SNX29: variants seen among roughly 807,000 people sequenced by gnomAD.
SNX29 encodes the protein sorting nexin 29.
In SNX29, 78 loss-of-function variants were observed where a neutral mutation model predicts 102.1. The observed-to-expected ratio is 0.76, with a 90% CI of 0.64 to 0.92. The LOEUF (loss-of-function observed/expected upper bound fraction) is 0.92, where lower values mean the gene tolerates loss of function less well. Among genes scored for constraint, SNX29 ranks in the 40% least tolerant of loss-of-function variants. The pLI, the probability that SNX29 is intolerant of heterozygous loss-of-function variation, is 0.00. For missense variants in SNX29, 1,280 were observed against 1,061.7 expected (o/e 1.21, Z -2.86); for synonymous variants, 580 against 414.5 (o/e 1.40, Z -4.85).
chr16:12,039,819 C>G (rs551800992), intron 4 of SNX29, among the ~76,000 whole-genome samples: 1 of 152,318 alleles, frequency 6.6e-6, no homozygotes, highest in Admixed American at 6.5e-5. Flanking sequence ...TGTTTACTAA[C>G]TGTGTTGCTG....
chr16:11,999,480 G>A, intron 2 of SNX29, 122 bp downstream of exon 2: 1 of 935,836 alleles, frequency 1.1e-6, no homozygotes, highest in African/African-American at 1.7e-5. Context: ...GAACAGTGAA[G>A]TGATCTACTC....
At chr16:12,116,854 C>A (rs974794309) in intron 11 of SNX29, among the ~76,000 whole-genome samples, 4 of 152,124 alleles carry the variant, frequency 2.6e-5, no homozygotes, top group African/African-American at 9.7e-5. Context: ...GAGGACGAAC[C>A]ATGGAAACAG....
chr16:12,137,976 G>A (rs755019844), intron 13 of SNX29, among the ~76,000 whole-genome samples: 14 of 152,170 alleles, frequency 9.2e-5, no homozygotes, highest in Non-Finnish European at 2.1e-4. Context: ...CGCTGCCTGG[G>A]ATTCTGGCTG....
intron 15 of SNX29, among the ~76,000 whole-genome samples, chr16:12,290,009 G>A (rs1010556118): frequency 3.3e-5 from 5 of 152,138 alleles, no homozygotes; most frequent in Non-Finnish European, 4.4e-5. Flanking sequence ...GGGATACAGC[G>A]GGAGTGGAGA....
rs1484638873 is a variant in SNX29 at position 12,556,857 on chromosome 16, A to AG, written c.2319-11649_2319-11648insG. On this transcript the variant is annotated intron_variant, in intron 20 of 20. Coordinates refer to ENST00000566228, the MANE Select transcript of SNX29 (RefSeq NM_032167.5). The stretch of plus-strand genomic sequence containing the variant: ...AGAAGTTTGATGGTGGAAAAAATTG[A>AG]ATTTTTTTTTTTTGAGATAGGGTCT... 4.5e-3 allele frequency among the ~76,000 whole-genome samples: 686 copies of AG among 150,828 alleles called. 3 individuals carry two copies. The highest frequency in any genetic ancestry group is 0.012 in the Admixed American group (183 of 15,148).
chr16:12,569,190 G>A lies in SNX29; in HGVS notation c.*561G>A. ...TTCCACCAACAGTCATTAGACACCT[G>A]GCACTGTCACAGCTCACTTTTCCAG... On this transcript the variant is annotated 3_prime_UTR_variant, in exon 21 of 21. Transcript: ENST00000566228. The A allele has an allele frequency of 4.6e-6, 1 of 217,132 alleles. No homozygotes were observed. The highest frequency in any genetic ancestry group is 9.1e-6 in the Non-Finnish European group (1 of 109,494). 13.5% of individuals were successfully genotyped at this position (217,132 alleles called of 1,614,324 possible).
Position 12,449,291 on chromosome 16 carries a change from C to G in SNX29, c.2038-28428C>G, listed in dbSNP as rs182465956. Reference sequence around the variant, plus strand: ...CAGGGTGAAGATGCTGGAGGCAAGCCCTCCAAGATAAGTAGAACTTAGCCA... The same window carrying G: ...CAGGGTGAAGATGCTGGAGGCAAGCGCTCCAAGATAAGTAGAACTTAGCCA... On this transcript the variant is annotated intron_variant, in intron 18 of 20. Coordinates refer to ENST00000566228, the MANE Select transcript of SNX29 (RefSeq NM_032167.5). 2.0e-5 allele frequency among the ~76,000 whole-genome samples: 3 copies of G among 151,734 alleles called. No individual in the cohort carries two copies. In the East Asian group the frequency reaches 5.9e-4, roughly 30 times the overall value.
In SNX29 at chr16:12,069,913, C is replaced by T. The variant is rs953134756; in HGVS notation, c.1319+781C>T. Among the ~76,000 whole-genome samples, 7 of 150,524 alleles carry T rather than the reference C, an allele frequency of 4.7e-5. No individual in the cohort carries two copies. In the South Asian group the frequency reaches 6.4e-4, roughly 14 times the overall value. ...CACCGTGGTCTCGATCTCCTGACCT[C>T]GTGATCCGCCCGCCTCGGCCTCCCA... is the stretch of plus-strand genomic sequence containing the variant. On this transcript the variant is annotated intron_variant, in intron 10 of 20. Transcript: ENST00000566228.
chr16:12,377,894 A>G (rs989069263), intron 16 of SNX29, among the ~76,000 whole-genome samples: 1 of 152,120 alleles, frequency 6.6e-6, no homozygotes, highest in African/African-American at 2.4e-5. Flanking sequence ...ACAGGGATTG[A>G]GGGTTTTCCT....
At chr16:12,364,628 C>T (rs979372003) in intron 16 of SNX29, among the ~76,000 whole-genome samples, 4 of 152,072 alleles carry the variant, frequency 2.6e-5, no homozygotes, top group African/African-American at 7.2e-5. Context: ...AGACACAGCG[C>T]GGTGAAAGCT....
At chr16:12,288,447 G>A (rs1306203115) in intron 15 of SNX29, among the ~76,000 whole-genome samples, 1 of 152,044 alleles carries the variant, frequency 6.6e-6, no homozygotes, top group African/African-American at 2.4e-5. Flanking sequence ...CTCTGTTTGC[G>A]GGGTCACCCT....
chr16:12,334,100 T>C (rs2081374318), intron 15 of SNX29, among the ~76,000 whole-genome samples: 1 of 152,132 alleles, frequency 6.6e-6, no homozygotes, highest in South Asian at 2.1e-4. Context: ...AGGGAAACAC[T>C]TCAAAGACAC....
At chr16:12,423,243 C>T (rs775366123) in intron 18 of SNX29, among the ~76,000 whole-genome samples, 2 of 151,936 alleles carry the variant, frequency 1.3e-5, no homozygotes, top group South Asian at 2.1e-4. Flanking sequence ...ATTCCCATGC[C>T]GCAGGCCCTG....
intron 16 of SNX29, chr16:12,374,290 GC>G (rs3214484): frequency 0.59 from 89,074 of 152,106 alleles, 29,852 homozygotes; most frequent in Middle Eastern, 0.77. Flanking sequence ...ACAGTCTGCA[GC>G]CTGGTGGAGG....
chr16:12,067,798 C>G (rs1211583555), intron 9 of SNX29, among the ~76,000 whole-genome samples: 3 of 152,254 alleles, frequency 2.0e-5, no homozygotes, highest in African/African-American at 7.2e-5. Flanking sequence ...CAAGAAGTTT[C>G]TTGAGTGAGC....
At chr16:12,341,511 C>T (rs943415140) in intron 15 of SNX29, among the ~76,000 whole-genome samples, 2 of 152,208 alleles carry the variant, frequency 1.3e-5, no homozygotes, top group African/African-American at 2.4e-5. Context: ...TCCTCAATCT[C>T]GGTCTTTAAC....
At chr16:12,105,703 G>A (rs2053206406) in intron 11 of SNX29, among the ~76,000 whole-genome samples, 1 of 152,128 alleles carries the variant, frequency 6.6e-6, no homozygotes, top group African/African-American at 2.4e-5. Flanking sequence ...GTGTTTCCAG[G>A]GTCTCCTAGC....
At chr16:12,544,969 A>G (rs2077520707) in intron 20 of SNX29, among the ~76,000 whole-genome samples, 1 of 152,096 alleles carries the variant, frequency 6.6e-6, no homozygotes. Context: ...ACAGGCTCAG[A>G]GAGATTGAGT....
At chr16:12,545,640 G>A (rs1453502347) in intron 20 of SNX29, 1 of 152,128 alleles carries the variant, frequency 6.6e-6, no homozygotes, top group Non-Finnish European at 1.5e-5. Flanking sequence ...CTTCTGTTCT[G>A]AGTCTACACT....
Sources: allele counts gnomAD v4.1 joint callset (sites outside exome capture counted in the v4.1 genomes callset), GRCh38; gene constraint gnomAD v4.1.1; transcripts MANE v1.5; gene names NCBI Gene and HGNC (gene_info 2026-07-23, HGNC 2026-07-21).